NEGR1: variants seen among roughly 807,000 people sequenced by gnomAD.
NEGR1 encodes the protein IgLON family member 4.
In NEGR1, 10 loss-of-function variants were observed where a neutral mutation model predicts 40.9. The ratio of observed to expected loss-of-function variants is 0.24; its 90% CI spans 0.15 to 0.42. The LOEUF is 0.42. Among genes scored for constraint, NEGR1 ranks in the 10% least tolerant of loss-of-function variants. NEGR1 has a pLI of 1.00. For synonymous variants in NEGR1, 185 were observed against 166.8 expected, an observed-to-expected ratio of 1.11 and a Z score of -0.84; for missense variants, 352 against 438.9, an observed-to-expected ratio of 0.80 and a Z score of 1.77.
chr1:71,494,313 G>T (rs1032930665), intron 6 of NEGR1, among the ~76,000 whole-genome samples: 4 of 152,170 alleles, frequency 2.6e-5, no homozygotes, highest in African/African-American at 9.6e-5. Context: ...AGCACTATGT[G>T]ATTAAGCCCC....
At chr1:71,659,542 C>T in intron 4 of NEGR1, among the ~76,000 whole-genome samples, 1 of 152,078 alleles carries the variant, frequency 6.6e-6, no homozygotes, top group East Asian at 1.9e-4. Flanking sequence ...AGTAAACAGC[C>T]AACCTACTGA....
At chr1:71,745,265 T>C (rs991179964) in intron 3 of NEGR1, among the ~76,000 whole-genome samples, 2 of 152,176 alleles carry the variant, frequency 1.3e-5, no homozygotes, top group African/African-American at 4.8e-5. Context: ...AGCTGTGAGA[T>C]TTCCACTGTC....
chr1:72,145,351 C>T lies in NEGR1; in HGVS notation c.176+136968G>A, dbSNP rs146116008. ...TGTAGTTTTATTTTTATTCCAAGTACATTAATCATTTAGAGTTTACTTCAA... is the reference window on the plus strand; with the variant it reads ...TGTAGTTTTATTTTTATTCCAAGTATATTAATCATTTAGAGTTTACTTCAA... On this transcript the variant is annotated intron_variant, in intron 1 of 6. Coordinates refer to ENST00000357731, the MANE Select transcript of NEGR1 (RefSeq NM_173808.3). Among the ~76,000 whole-genome samples the T allele has an allele frequency of 1.6e-3, 236 of 152,210 alleles. 4 individuals are homozygous for T. Among genetic ancestry groups the T allele is most frequent in the Admixed American group, 0.014 (210 of 15,264 alleles).
intron 1 of NEGR1, among the ~76,000 whole-genome samples, chr1:72,224,498 TA>T (rs2100488339): frequency 1.3e-5 from 2 of 152,258 alleles, no homozygotes; most frequent in East Asian, 3.9e-4. Flanking sequence ...ATTTGCTGTT[TA>T]CACGCAATAT....
chr1:72,187,866 C>A (rs1297939632), intron 1 of NEGR1, among the ~76,000 whole-genome samples: 1 of 151,292 alleles, frequency 6.6e-6, no homozygotes. Flanking sequence ...AGTAGAGCCA[C>A]TATTCAAATT....
intron 1 of NEGR1, among the ~76,000 whole-genome samples, chr1:72,219,142 T>C (rs1014615999): frequency 1.3e-5 from 2 of 152,072 alleles, no homozygotes; most frequent in African/African-American, 4.8e-5. Context: ...TGGTGACATT[T>C]TGATTTTTCT....
intron 1 of NEGR1, among the ~76,000 whole-genome samples, chr1:72,101,720 G>A (rs1648954911): frequency 6.6e-6 from 1 of 151,978 alleles, no homozygotes; most frequent in African/African-American, 2.4e-5. Flanking sequence ...TTCAGAAACA[G>A]CAAATGCTGG....
chr1:71,856,143 G>A (rs1470021357), intron 2 of NEGR1, among the ~76,000 whole-genome samples: 1 of 151,994 alleles, frequency 6.6e-6, no homozygotes, highest in Non-Finnish European at 1.5e-5. Flanking sequence ...CCAAAATAAT[G>A]AGTGAAAAAT....
At chr1:72,187,800 C>G (rs1336072247) in intron 1 of NEGR1, among the ~76,000 whole-genome samples, 2 of 151,374 alleles carry the variant, frequency 1.3e-5, no homozygotes, top group Non-Finnish European at 3.0e-5. Context: ...AGGTTAGGCA[C>G]TGTTTTTATC....
chr1:71,678,974 A>G (rs983524400), intron 4 of NEGR1, among the ~76,000 whole-genome samples: 9 of 152,168 alleles, frequency 5.9e-5, no homozygotes, highest in Non-Finnish European at 1.2e-4. Context: ...AAAACCACTG[A>G]AGATGTTTAA....
At chr1:72,014,474 C>A (rs1646690619) in intron 1 of NEGR1, among the ~76,000 whole-genome samples, 3 of 151,904 alleles carry the variant, frequency 2.0e-5, no homozygotes, top group African/African-American at 7.3e-5. Flanking sequence ...TAAAATTTCC[C>A]AGTCATTTTA....
At chr1:71,916,847 C>T (rs1305484010) in intron 2 of NEGR1, among the ~76,000 whole-genome samples, 2 of 152,130 alleles carry the variant, frequency 1.3e-5, no homozygotes, top group African/African-American at 4.8e-5. Context: ...CAGATTATTC[C>T]CAGTGAAAGT....
intron 2 of NEGR1, among the ~76,000 whole-genome samples, chr1:71,865,598 T>A (rs1660088478): frequency 1.3e-5 from 2 of 152,064 alleles, no homozygotes; most frequent in African/African-American, 4.8e-5. Flanking sequence ...CTGGGGCCTG[T>A]CAGGGTGTGG....
At chr1:71,846,417 A>G (rs991243746) in intron 2 of NEGR1, among the ~76,000 whole-genome samples, 4 of 138,892 alleles carry the variant, frequency 2.9e-5, no homozygotes, top group Non-Finnish European at 6.2e-5. Flanking sequence ...ACACACACAA[A>G]CACACACACA....
chr1:72,188,568 C>A (rs956487862), intron 1 of NEGR1, among the ~76,000 whole-genome samples: 1 of 151,460 alleles, frequency 6.6e-6, no homozygotes, highest in Non-Finnish European at 1.5e-5. Context: ...GTGCTTATAA[C>A]CTTCTGCTTA....
chr1:71,677,251 G>A (rs766521652), intron 4 of NEGR1, among the ~76,000 whole-genome samples: 1 of 151,940 alleles, frequency 6.6e-6, no homozygotes, highest in Non-Finnish European at 1.5e-5. Flanking sequence ...GGAGCCATTT[G>A]TTCCCACAAT....
At chr1:72,029,096 T>G (rs899907966) in intron 1 of NEGR1, among the ~76,000 whole-genome samples, 10 of 152,168 alleles carry the variant, frequency 6.6e-5, no homozygotes, top group Admixed American at 5.9e-4. Flanking sequence ...ATATAAAGAT[T>G]GATTCTTAGA....
chr1:72,030,580 G>A (rs1184883884), intron 1 of NEGR1, among the ~76,000 whole-genome samples: 2 of 152,062 alleles, frequency 1.3e-5, no homozygotes, highest in African/African-American at 4.8e-5. Flanking sequence ...CCTATCAACT[G>A]TATAAGTAAG....
At position 71,766,643 on chromosome 1, in the gene NEGR1, C is replaced by T. The variant is rs111286780; in HGVS notation, c.535+9529G>A. Among the ~76,000 whole-genome samples the T allele has an allele frequency of 7.6e-4, 116 of 152,276 alleles. 1 individual carries two copies. Among genetic ancestry groups the T allele is most frequent in the Non-Finnish European group, 6.2e-4 (42 of 68,006 alleles). ...CCACAAATAAGTGAATATTTTTAAA[C>T]GGCTTTCAACATGCTTCTAGATTTT... On this transcript the variant is annotated intron_variant, in intron 3 of 6. Coordinates refer to ENST00000357731, the MANE Select transcript of NEGR1 (RefSeq NM_173808.3).
Sources: allele counts gnomAD v4.1 joint callset (sites outside exome capture counted in the v4.1 genomes callset), GRCh38; gene constraint gnomAD v4.1.1; transcripts MANE v1.5; gene names NCBI Gene and HGNC (gene_info 2026-07-23, HGNC 2026-07-21).